The following TOPBP1 variants were observed in gnomAD, a reference collection of about 807,000 sequenced individuals.
The protein encoded by TOPBP1 is DNA topoisomerase 2-binding protein 1.
TOPBP1 carries 28 observed loss-of-function variants against 167.7 expected under a neutral mutation model. That is an observed-to-expected ratio of 0.17 (90% confidence interval 0.12 to 0.23). The LOEUF is 0.23. Ranked by LOEUF, TOPBP1 falls within the 10% of genes least tolerant of loss-of-function variation. The pLI is 1.00. For synonymous variants in TOPBP1, 598 were observed against 611.4 expected (o/e 0.98, Z 0.32); for missense variants, 1,554 against 1,809.6 (o/e 0.86, Z 2.56).
intron 12 of TOPBP1, among the ~76,000 whole-genome samples, chr3:133,640,505 G>A (rs1449438533): frequency 6.6e-6 from 1 of 152,130 alleles, no homozygotes; most frequent in East Asian, 1.9e-4. Flanking sequence ...CCGCCTCCCA[G>A]GCTCAAGCCA....
intron 11 of TOPBP1, among the ~76,000 whole-genome samples, chr3:133,643,793 G>A (rs745976758): frequency 5.3e-5 from 8 of 152,112 alleles, no homozygotes; most frequent in Non-Finnish European, 1.0e-4. Context: ...CTCCTAAGAA[G>A]GAATGTTGCT....
At chr3:133,656,994 TTAAC>T (rs1257812099) in intron 4 of TOPBP1, 137 bp from the exon 5 acceptor site, 1 of 748,598 alleles carries the variant, frequency 1.3e-6, no homozygotes, top group Non-Finnish European at 1.9e-6. Context: ...AGTTAAATAA[TTAAC>T]CAAATTATTT....
chr3:133,606,756 G>A (rs534476314), intron 27 of TOPBP1, among the ~76,000 whole-genome samples: 1 of 152,048 alleles, frequency 6.6e-6, no homozygotes, highest in African/African-American at 2.4e-5. Flanking sequence ...GCTTTTGTGG[G>A]AAAGGAAAAT....
In TOPBP1 at chr3:133,624,178, G is replaced by A. The variant is rs779351048; in HGVS notation, c.2805-3C>T. Reference sequence around the variant, plus strand: ...TCACTGTTTCATCAAAACTCCACCTGAAATAACCAATACAAAAAAACAAAT... The same window carrying A: ...TCACTGTTTCATCAAAACTCCACCTAAAATAACCAATACAAAAAAACAAAT... On this transcript the variant is annotated splice_polypyrimidine_tract_variant and splice_region_variant and intron_variant, in intron 16 of 27. Transcript: ENST00000260810. 1.2e-6 allele frequency: 2 copies of A among 1,611,468 alleles called. No individual in the cohort carries two copies. Among genetic ancestry groups the A allele is most frequent in the Non-Finnish European group, 1.7e-6 (2 of 1,179,274 alleles).
intron 14 of TOPBP1, among the ~76,000 whole-genome samples, chr3:133,637,459 G>A (rs1406097727): frequency 1.3e-5 from 2 of 152,098 alleles, no homozygotes; most frequent in Non-Finnish European, 2.9e-5. Flanking sequence ...CAAATCCCGG[G>A]TGTACTCTGA....
At chr3:133,604,613 A>G (rs1379979813) in intron 27 of TOPBP1, among the ~76,000 whole-genome samples, 1 of 151,916 alleles carries the variant, frequency 6.6e-6, no homozygotes, top group African/African-American at 2.4e-5. Context: ...ATTCGTTACA[A>G]AAAACCACAT....
At chr3:133,643,863 C>T (rs138129918) in intron 11 of TOPBP1, among the ~76,000 whole-genome samples, 157 bp downstream of exon 11, 4 of 152,288 alleles carry the variant, frequency 2.6e-5, no homozygotes, top group Non-Finnish European at 5.9e-5. Context: ...GAAGCTTGCA[C>T]ATTTAATTTT....
At position 133,623,921 on chromosome 3, in the gene TOPBP1, TAC is replaced by T. The variant is rs1935181875; in HGVS notation, c.2928+129_2928+130del. On this transcript the variant is annotated intron_variant, in intron 17 of 27. Coordinates refer to ENST00000260810, the MANE Select transcript of TOPBP1 (RefSeq NM_007027.4). ...TTTGATGCCAAAGATCTGAAATGTG[TAC>T]AGTTAACCAAGACTATTAAACTGGC... is the stretch of plus-strand genomic sequence containing the variant. 6 of 1,136,762 alleles carry T rather than the reference TAC, an allele frequency of 5.3e-6. No homozygotes were observed. In the East Asian group the frequency reaches 1.6e-4, roughly 30 times the overall value. The allele number at this position is 1,136,762 out of a possible 1,614,324, so 70.4% of individuals were successfully genotyped here. A position where few individuals can be genotyped will look rare whatever the true frequency, so the allele number is the denominator to read the frequency against.
chr3:133,646,844 T>C (rs1936092432), intron 10 of TOPBP1, among the ~76,000 whole-genome samples: 1 of 152,164 alleles, frequency 6.6e-6, no homozygotes, highest in South Asian at 2.1e-4. Context: ...CTAGGATCTT[T>C]GAAACACTCT....
Position 133,655,459 on chromosome 3 carries a change from G to A in TOPBP1, c.573C>T (p.Asn191=). 1 of 1,555,978 alleles carries A rather than the reference G, an allele frequency of 6.4e-7. No individual in the cohort carries two copies. The highest frequency in any genetic ancestry group is 8.7e-7 in the Non-Finnish European group (1 of 1,150,646). ...AAATAGGACACTTGAAATCTTCCAT[G>A]TTTATATCAGTATATCTAGTTATTT... ...EKKITRYTDI[N]MEDFKCPIFL... is the part of the protein sequence containing the mutation. The change falls in exon 6 of 28, where the codon AAC becomes AAT. Residue 191 remains asparagine, a synonymous_variant. Coordinates refer to ENST00000260810, the MANE Select transcript of TOPBP1 (RefSeq NM_007027.4).
intron 6 of TOPBP1, among the ~76,000 whole-genome samples, chr3:133,654,377 A>C (rs1053490168): frequency 2.0e-5 from 3 of 152,208 alleles, no homozygotes; most frequent in African/African-American, 7.2e-5. Context: ...ATTTTGAAGC[A>C]GTATCACAGA....
chr3:133,618,097 G>T, intron 21 of TOPBP1, 116 bp downstream of exon 21: 1 of 841,394 alleles, frequency 1.2e-6, no homozygotes. Context: ...AAATATCTAC[G>T]AAGTTTTTTT....
chr3:133,637,966 T>C lies in TOPBP1; in HGVS notation c.2430A>G (p.Gln810=). The change falls in exon 14 of 28, where the codon CAA becomes CAG. Residue 810 remains glutamine, a synonymous_variant. Coordinates refer to ENST00000260810, the MANE Select transcript of TOPBP1 (RefSeq NM_007027.4). ...RQVAASPAVG[Q]PLQKEPSLHL... Reference sequence around the variant, plus strand: ...GTAACGAGGGCTCCTTCTGAAGTGGTTGTCCTACTGCTGGGGAGGCTGCGA... The same window carrying C: ...GTAACGAGGGCTCCTTCTGAAGTGGCTGTCCTACTGCTGGGGAGGCTGCGA... The C allele has an allele frequency of 6.2e-7, 1 of 1,613,990 alleles. No individual in the cohort carries two copies. The highest frequency in any genetic ancestry group is 8.5e-7 in the Non-Finnish European group (1 of 1,179,872).
chr3:133,656,591 T>C, intron 5 of TOPBP1, 85 bp downstream of exon 5: 1 of 1,296,660 alleles, frequency 7.7e-7, no homozygotes, highest in South Asian at 1.7e-5. Context: ...CCCTGAATAG[T>C]AAGTCCAAAG....
chr3:133,659,697 C>G (rs1936614330), intron 2 of TOPBP1, among the ~76,000 whole-genome samples: 1 of 152,146 alleles, frequency 6.6e-6, no homozygotes, highest in Admixed American at 6.5e-5. Context: ...GATGCCCATC[C>G]TAATCAGGCT....
rs771746483 is a variant in TOPBP1, at chr3:133,656,725, T to C, written c.496A>G (p.Ile166Val). ...YLVAANLKKP[I>V]LLPSWIKTLW... ...GTTTTTATCCAAGAGGGAAGCAAAA[T>C]AGGTTTCTTCAGGTTTGCAGCAACT... Residue 166 changes from isoleucine (I) to valine (V), a missense_variant, in exon 5 of 28, where the codon ATT becomes GTT. By Grantham distance (29) the Ile-to-Val change is conservative. Transcript: ENST00000260810. The C allele has an allele frequency of 1.9e-6, 3 of 1,612,550 alleles. No individual in the cohort carries two copies. The South Asian group carries it at 3.3e-5, about 18-fold the overall frequency.
chr3:133,659,114 T>A lies in TOPBP1; in HGVS notation c.121A>T (p.Ile41Phe). 1 of 1,582,694 alleles carries A rather than the reference T, an allele frequency of 6.3e-7. No homozygotes were observed. Among genetic ancestry groups the A allele is most frequent in the African/African-American group, 1.3e-5 (1 of 74,486 alleles). ...KEFQSEEYLQ[I>F]ITEEEALKIK... The stretch of plus-strand genomic sequence containing the variant: ...TTCAATGCCTCTTCTTCTGTAATAA[T>A]CTGAAGATATTCTTCTGATTGGAAT... Residue 41 changes from isoleucine to phenylalanine, a missense_variant, in exon 3 of 28, where the codon ATT (isoleucine) becomes TTT (phenylalanine). Transcript: ENST00000260810.
chr3:133,613,792 T>G (rs1283138901), intron 23 of TOPBP1, among the ~76,000 whole-genome samples: 1 of 150,880 alleles, frequency 6.6e-6, no homozygotes, highest in Non-Finnish European at 1.5e-5. Context: ...GACTTTTTTT[T>G]TTTTTTTTTT....
At chr3:133,629,964 T>G (rs372313014) in intron 14 of TOPBP1, among the ~76,000 whole-genome samples, 2 of 151,972 alleles carry the variant, frequency 1.3e-5, no homozygotes, top group Admixed American at 6.6e-5. Context: ...TTTTTCGTAT[T>G]TTTAGTAGAG....
Sources: allele counts gnomAD v4.1 joint callset (sites outside exome capture counted in the v4.1 genomes callset), GRCh38; gene constraint gnomAD v4.1.1; transcripts MANE v1.5; gene names NCBI Gene and HGNC (gene_info 2026-07-23, HGNC 2026-07-21).